RHEX: variants seen among roughly 807,000 people sequenced by gnomAD.
RHEX encodes regulator of hemoglobinization and erythroid cell expansion.
Under a neutral mutation model 20.1 loss-of-function variants are expected in RHEX, and 18 were observed. The observed-to-expected ratio is 0.90, with a 90% confidence interval of 0.62 to 1.33. The LOEUF (loss-of-function observed/expected upper bound fraction) is 1.33. Ranked by LOEUF, RHEX falls within the 40% of genes most tolerant of loss-of-function variation. RHEX has a pLI of 0.00. For synonymous variants in RHEX, 87 were observed against 77.1 expected, an observed-to-expected ratio of 1.13 and a Z score of -0.67; for missense variants, 192 against 214.3, an observed-to-expected ratio of 0.90 and a Z score of 0.65.
intron 1 of RHEX, among the ~76,000 whole-genome samples, chr1:206,093,429 C>G (rs1331211634): frequency 6.6e-6 from 1 of 152,046 alleles, no homozygotes. Context: ...TGCCACCATG[C>G]CCGGCTAATT....
chr1:206,057,845 G>A (rs1246592943), intron 1 of RHEX, among the ~76,000 whole-genome samples: 1 of 152,362 alleles, frequency 6.6e-6, no homozygotes, highest in East Asian at 1.9e-4. Flanking sequence ...TGGGGATATG[G>A]AACCCCCATC....
chr1:206,054,536 G>A (rs189263572), intron 1 of RHEX, among the ~76,000 whole-genome samples: 1 of 152,258 alleles, frequency 6.6e-6, no homozygotes, highest in African/African-American at 2.4e-5. Flanking sequence ...AAAATTCTGT[G>A]TGTAAACATA....
chr1:206,076,159 T>G (rs1389910837), intron 1 of RHEX, among the ~76,000 whole-genome samples: 1 of 141,304 alleles, frequency 7.1e-6, no homozygotes, highest in Non-Finnish European at 1.5e-5. Flanking sequence ...CAGGGAGTCT[T>G]TTTTTTTTTT....
chr1:206,092,280 G>A (rs1233932547), intron 1 of RHEX, among the ~76,000 whole-genome samples: 3 of 152,106 alleles, frequency 2.0e-5, no homozygotes, highest in Non-Finnish European at 4.4e-5. Flanking sequence ...TTAGTACTAT[G>A]TGCCAAAAGT....
chr1:206,101,565 A>G (rs1194138452), intron 5 of RHEX, among the ~76,000 whole-genome samples, 187 bp from the exon 6 acceptor site: 5 of 152,182 alleles, frequency 3.3e-5, no homozygotes, highest in Non-Finnish European at 7.3e-5. Flanking sequence ...CCCTGCAGAC[A>G]GGTGGAACAA....
intron 1 of RHEX, among the ~76,000 whole-genome samples, chr1:206,094,137 A>G (rs1201631638): frequency 3.3e-5 from 5 of 150,820 alleles, no homozygotes; most frequent in Non-Finnish European, 7.4e-5. Flanking sequence ...TCACAACATA[A>G]TTACCTTAAA....
At chr1:206,101,029 C>T in intron 4 of RHEX, 107 bp from the exon 5 acceptor site, 2 of 839,890 alleles carry the variant, frequency 2.4e-6, no homozygotes, top group East Asian at 5.2e-5. Context: ...CTGGCTCTGC[C>T]TCTGTCTTTA....
intron 1 of RHEX, among the ~76,000 whole-genome samples, chr1:206,056,799 A>C (rs1662203216): frequency 6.6e-6 from 1 of 152,222 alleles, no homozygotes; most frequent in Admixed American, 6.5e-5. Flanking sequence ...AATTGGAAAA[A>C]AAAGTTACAC....
intron 1 of RHEX, among the ~76,000 whole-genome samples, chr1:206,057,357 T>C (rs888161651): frequency 3.9e-5 from 6 of 152,264 alleles, no homozygotes; most frequent in African/African-American, 1.2e-4. Flanking sequence ...TTTTGGGTTC[T>C]GAAAGTCTTA....
chr1:206,066,511 G>C (rs1662425146), intron 1 of RHEX, among the ~76,000 whole-genome samples: 1 of 152,214 alleles, frequency 6.6e-6, no homozygotes, highest in Non-Finnish European at 1.5e-5. Flanking sequence ...CAGCTACTCC[G>C]GAGGCTGAGG....
chr1:206,072,453 G>T (rs1553284758), intron 1 of RHEX, among the ~76,000 whole-genome samples: 3 of 152,118 alleles, frequency 2.0e-5, no homozygotes, highest in Non-Finnish European at 4.4e-5. Flanking sequence ...GTAAGAGCCT[G>T]TAATCCTAGC....
At chr1:206,053,317 C>T (rs1662108306) in intron 1 of RHEX, 52 bp downstream of exon 1, 1 of 152,664 alleles carries the variant, frequency 6.6e-6, no homozygotes, top group African/African-American at 2.4e-5. Context: ...GAAGTGTGGC[C>T]TGATCACCCA....
At chr1:206,077,730 C>T (rs1553285422) in intron 1 of RHEX, among the ~76,000 whole-genome samples, 3 of 152,194 alleles carry the variant, frequency 2.0e-5, no homozygotes, top group Non-Finnish European at 4.4e-5. Flanking sequence ...GACTGAAAGC[C>T]TGGGGATGCT....
At chr1:206,092,681 TTC>T (rs1662982638) in intron 1 of RHEX, among the ~76,000 whole-genome samples, 1 of 152,216 alleles carries the variant, frequency 6.6e-6, no homozygotes, top group Admixed American at 6.5e-5. Flanking sequence ...TTAAAACCTC[TTC>T]TTTTTTTTGG....
chr1:206,065,065 A>G (rs993793239), intron 1 of RHEX, among the ~76,000 whole-genome samples: 4 of 152,104 alleles, frequency 2.6e-5, no homozygotes, highest in Admixed American at 6.5e-5. Flanking sequence ...TGTTAAACAG[A>G]TGCTTGAAGG....
chr1:206,071,030 C>T (rs782534071), intron 1 of RHEX, among the ~76,000 whole-genome samples: 4 of 152,128 alleles, frequency 2.6e-5, no homozygotes, highest in East Asian at 1.9e-4. Context: ...TTGACTCACA[C>T]GATCACAAGG....
intron 1 of RHEX, among the ~76,000 whole-genome samples, chr1:206,058,902 G>A (rs1243995078): frequency 7.2e-5 from 11 of 152,098 alleles, no homozygotes; most frequent in Non-Finnish European, 1.0e-4. Context: ...TCTGCGGCTC[G>A]TCCTGCTACA....
At chr1:206,079,602 C>CT (rs1223222741) in intron 1 of RHEX, among the ~76,000 whole-genome samples, 5 of 152,252 alleles carry the variant, frequency 3.3e-5, no homozygotes, top group African/African-American at 1.2e-4. Flanking sequence ...GTTGCCCAGG[C>CT]TGGAGTGCAG....
Position 206,101,847 on chromosome 1 carries a change from C to T in RHEX, c.414C>T (p.Ile138=), listed in dbSNP as rs2102332358. 1 of 1,613,924 alleles carries T rather than the reference C, an allele frequency of 6.2e-7. No individual in the cohort carries two copies. The highest frequency in any genetic ancestry group is 1.1e-5 in the South Asian group (1 of 91,074). Residue 138 remains isoleucine, a synonymous_variant, in exon 6 of 6, where the codon ATC becomes ATT. Transcript: ENST00000331555. ...TGGACTATGAGAACATAAAGGAAAT[C>T]ACAGATTATGTCAATGTCAATCCAG... The part of the protein sequence containing the change: ...SPLDYENIKE[I]TDYVNVNPER...
Sources: allele counts gnomAD v4.1 joint callset (sites outside exome capture counted in the v4.1 genomes callset), GRCh38; gene constraint gnomAD v4.1.1; transcripts MANE v1.5; gene names NCBI Gene and HGNC (gene_info 2026-07-23, HGNC 2026-07-21).